GPM6A: variants seen among roughly 807,000 people sequenced by gnomAD.
GPM6A encodes the protein glycoprotein M6A.
Under a neutral mutation model 32.1 loss-of-function variants are expected in GPM6A, and 7 were observed. The observed-to-expected ratio is 0.22, with a 90% CI of 0.12 to 0.41. GPM6A has a LOEUF of 0.41. Among genes scored for constraint, GPM6A ranks in the 10% least tolerant of loss-of-function variants. The pLI is 1.00. For synonymous variants in GPM6A, 130 were observed against 123.4 expected (o/e 1.05, Z -0.35); for missense variants, 235 against 347.2 (o/e 0.68, Z 2.57).
At chr4:175,662,809 G>C (rs779911715) in intron 3 of GPM6A, among the ~76,000 whole-genome samples, 1 of 151,588 alleles carries the variant, frequency 6.6e-6, no homozygotes, top group South Asian at 2.1e-4. Context: ...TTTCTAAATA[G>C]GGCACCCAAA....
intron 1 of GPM6A, among the ~76,000 whole-genome samples, chr4:175,818,488 C>T (rs1735178467): frequency 6.6e-6 from 1 of 152,122 alleles, no homozygotes; most frequent in African/African-American, 2.4e-5. Context: ...TATGTATCTT[C>T]CCCCCTGGCC....
chr4:175,687,488 A>G (rs2111026106), intron 2 of GPM6A, among the ~76,000 whole-genome samples: 1 of 151,992 alleles, frequency 6.6e-6, no homozygotes, highest in African/African-American at 2.4e-5. Context: ...TCCATCTAGT[A>G]TCACAATGAC....
At chr4:175,635,781 C>G (rs945877187) in intron 6 of GPM6A, among the ~76,000 whole-genome samples, 2 of 151,998 alleles carry the variant, frequency 1.3e-5, no homozygotes, top group Non-Finnish European at 2.9e-5. Context: ...TCTTTCTTCC[C>G]TCTTGGTCCA....
intron 6 of GPM6A, among the ~76,000 whole-genome samples, chr4:175,637,651 A>C (rs1179110308): frequency 5.2e-5 from 1 of 19,394 alleles, no homozygotes; most frequent in East Asian, 0.038. Flanking sequence ...TATTATATAA[A>C]ATATAAAATA....
chr4:175,723,788 C>A (rs1049028975), intron 1 of GPM6A, among the ~76,000 whole-genome samples: 1 of 152,070 alleles, frequency 6.6e-6, no homozygotes. Context: ...AAAAGATAAA[C>A]TAATGGAACA....
chr4:175,987,554 T>TC (rs1741017032), intron 1 of GPM6A, among the ~76,000 whole-genome samples: 2 of 109,492 alleles, frequency 1.8e-5, no homozygotes, highest in African/African-American at 6.1e-5. Flanking sequence ...GTGTGTGTGT[T>TC]TGTCTTTATA....
intron 1 of GPM6A, among the ~76,000 whole-genome samples, chr4:175,921,434 G>C (rs558486491): frequency 4.6e-5 from 7 of 152,160 alleles, no homozygotes; most frequent in African/African-American, 1.4e-4. Context: ...TATATGGATA[G>C]AGAATTTCAG....
In GPM6A at chr4:175,793,294, C is replaced by T. The variant is rs936146112; in HGVS notation, c.37+18897G>A. On this transcript the variant is annotated intron_variant, in intron 1 of 6. Coordinates refer to ENST00000393658, the MANE Select transcript of GPM6A (RefSeq NM_201591.3). ...TGGTGGAGGTTGCCTGGATACCCAC[C>T]GTCCCTACCTCACAGCAATTAAGAA... 1.5e-4 allele frequency among the ~76,000 whole-genome samples: 23 copies of T among 152,240 alleles called. No homozygotes were observed. In the East Asian group the frequency reaches 2.1e-3, roughly 14 times the overall value.
At chr4:175,957,367 G>A (rs892758825) in intron 1 of GPM6A, among the ~76,000 whole-genome samples, 11 of 152,140 alleles carry the variant, frequency 7.2e-5, no homozygotes, top group South Asian at 2.1e-4. Context: ...CACTTTAATT[G>A]AACAAATTCA....
At chr4:175,959,513 A>G (rs1483004378) in intron 1 of GPM6A, among the ~76,000 whole-genome samples, 2 of 152,096 alleles carry the variant, frequency 1.3e-5, no homozygotes, top group East Asian at 3.9e-4. Context: ...ATTACCTAAG[A>G]AGAAGATAAC....
intron 1 of GPM6A, among the ~76,000 whole-genome samples, chr4:175,893,533 C>T (rs1330683322): frequency 3.9e-5 from 6 of 152,128 alleles, no homozygotes; most frequent in African/African-American, 1.4e-4. Flanking sequence ...CTTAAGCTGA[C>T]TGCCTTTTTC....
At chr4:175,907,577 C>G (rs1268005153) in intron 1 of GPM6A, among the ~76,000 whole-genome samples, 1 of 152,112 alleles carries the variant, frequency 6.6e-6, no homozygotes, top group Non-Finnish European at 1.5e-5. Context: ...TTTGCGAAAA[C>G]AGCAGAAGCA....
At chr4:175,837,957 T>C (rs982602981) in intron 1 of GPM6A, among the ~76,000 whole-genome samples, 2 of 152,034 alleles carry the variant, frequency 1.3e-5, no homozygotes, top group Non-Finnish European at 1.5e-5. Context: ...GGTACAACTT[T>C]TGAATAAAAT....
intron 1 of GPM6A, among the ~76,000 whole-genome samples, chr4:175,856,789 C>T (rs911863735): frequency 6.6e-6 from 1 of 152,170 alleles, no homozygotes; most frequent in African/African-American, 2.4e-5. Context: ...GATGCTTCTT[C>T]TCTTCTCTCC....
chr4:175,915,709 A>C (rs1201805195), intron 1 of GPM6A, among the ~76,000 whole-genome samples: 1 of 152,150 alleles, frequency 6.6e-6, no homozygotes, highest in East Asian at 1.9e-4. Context: ...CAGTACAACA[A>C]TATTATTTTT....
intron 1 of GPM6A, among the ~76,000 whole-genome samples, chr4:175,789,173 G>T (rs956983408): frequency 1.3e-5 from 2 of 151,986 alleles, no homozygotes; most frequent in East Asian, 3.8e-4. Context: ...TATTTAATAC[G>T]TCTTCTTTTT....
intron 1 of GPM6A, among the ~76,000 whole-genome samples, chr4:175,914,269 A>G (rs958843896): frequency 6.6e-6 from 1 of 152,172 alleles, no homozygotes; most frequent in African/African-American, 2.4e-5. Flanking sequence ...AGACGGGGTA[A>G]AGGAACAGTC....
chr4:175,698,085 G>A (rs564239986), intron 2 of GPM6A, among the ~76,000 whole-genome samples: 56 of 152,236 alleles, frequency 3.7e-4, no homozygotes, highest in African/African-American at 1.3e-3. Flanking sequence ...AGATAGTGGA[G>A]AGAGGAAAAG....
upstream of GPM6A, chr4:175,812,300 GGTTTT>G: frequency 2.4e-6 from 1 of 418,778 alleles, no homozygotes; most frequent in African/African-American, 6.2e-5. Flanking sequence ...AAAAACTGGG[GGTTTT>G]TTTTTTTTTT....
Sources: allele counts gnomAD v4.1 joint callset (sites outside exome capture counted in the v4.1 genomes callset), GRCh38; gene constraint gnomAD v4.1.1; transcripts MANE v1.5; gene names NCBI Gene and HGNC (gene_info 2026-07-23, HGNC 2026-07-21).